Variants in NLRC4 observed in about 807,000 individuals in gnomAD.
The protein encoded by NLRC4 is NLR family CARD domain-containing protein 4.
Under a neutral mutation model 79.9 loss-of-function variants are expected in NLRC4, and 63 were observed. That is an observed-to-expected ratio of 0.79 (90% confidence interval 0.64 to 0.97). The LOEUF (loss-of-function observed/expected upper bound fraction) is 0.97. Ranked by LOEUF, NLRC4 falls within the 50% of genes least tolerant of loss-of-function variation. The probability of loss-of-function intolerance (pLI) is 0.00; values close to 1 mark genes in which losing one functional copy is unlikely to be tolerated. For synonymous variants in NLRC4, 461 were observed against 456.5 expected (o/e 1.01, Z -0.12); for missense variants, 1,074 against 1,215.2 (o/e 0.88, Z 1.73).
intron 2 of NLRC4, among the ~76,000 whole-genome samples, chr2:32,254,504 A>C (rs1273715904): frequency 1.3e-5 from 2 of 151,756 alleles, no homozygotes; most frequent in African/African-American, 2.4e-5. Context: ...CACCGTACCC[A>C]GGCACTGTAC....
chr2:32,258,302 G>A (rs1282469700), intron 1 of NLRC4, among the ~76,000 whole-genome samples: 1 of 152,156 alleles, frequency 6.6e-6, no homozygotes, highest in African/African-American at 2.4e-5. Flanking sequence ...TTCCGCCGAT[G>A]TGTTCCTCTC....
chr2:32,259,438 C>A (rs989549956), intron 1 of NLRC4, among the ~76,000 whole-genome samples: 9 of 151,676 alleles, frequency 5.9e-5, no homozygotes, highest in Non-Finnish European at 2.9e-5. Context: ...TGAACATTTT[C>A]AAACATAGAG....
intron 8 of NLRC4, among the ~76,000 whole-genome samples, chr2:32,227,909 C>T (rs1384317284): frequency 6.6e-6 from 1 of 152,040 alleles, no homozygotes; most frequent in East Asian, 1.9e-4. Context: ...ATTGGAATTC[C>T]AGGAAAAATC....
chr2:32,247,109 A>G (rs1333542002), intron 4 of NLRC4, among the ~76,000 whole-genome samples: 1 of 152,098 alleles, frequency 6.6e-6, no homozygotes, highest in Admixed American at 6.6e-5. Flanking sequence ...TATCTTCTAC[A>G]ATTTCCCAGA....
Position 32,224,585 on chromosome 2 carries a change from C to T in NLRC4, c.2963G>A (p.Ser988Asn), listed in dbSNP as rs1467856493. The change falls in exon 9 of 9, where the codon AGC (serine) becomes AAC (asparagine). Residue 988 changes from serine to asparagine, a missense_variant. Ser to Asn is a conservative substitution (Grantham distance 46). Transcript: ENST00000402280. The part of the protein sequence containing the change: ...LPDPALVRKL[S>N]QVLSKLTFLQ... ...AAAAGTTAACTTGGATAACACTTGG[C>T]TAAGTTTTCTGACTAATGCTGGATC... 1 of 1,613,696 alleles carries T rather than the reference C, an allele frequency of 6.2e-7. No homozygotes were observed. The highest frequency in any genetic ancestry group is 1.3e-5 in the African/African-American group (1 of 74,874).
At chr2:32,252,716 T>C in intron 2 of NLRC4, 37 bp from the exon 3 acceptor site, 2 of 1,584,402 alleles carry the variant, frequency 1.3e-6, no homozygotes, top group East Asian at 2.2e-5. Context: ...ATTTATTTAC[T>C]TATATAAAAT....
chr2:32,245,090 A>G (rs909727835), intron 4 of NLRC4, among the ~76,000 whole-genome samples: 1 of 152,042 alleles, frequency 6.6e-6, no homozygotes, highest in Non-Finnish European at 1.5e-5. Flanking sequence ...TGGGTGGATC[A>G]CTTGAGGTCT....
intron 4 of NLRC4, among the ~76,000 whole-genome samples, chr2:32,249,272 T>C (rs968512493): frequency 6.6e-6 from 1 of 152,178 alleles, no homozygotes; most frequent in Admixed American, 6.5e-5. Context: ...ATGCTAAATC[T>C]CCACCCCAAA....
At chr2:32,236,976 G>C (rs2148934478) in intron 6 of NLRC4, among the ~76,000 whole-genome samples, 1 of 152,214 alleles carries the variant, frequency 6.6e-6, no homozygotes. Flanking sequence ...CAGATATTCA[G>C]AACTTTTTTT....
At chr2:32,254,026 T>A (rs1024303040) in intron 2 of NLRC4, among the ~76,000 whole-genome samples, 2 of 151,044 alleles carry the variant, frequency 1.3e-5, no homozygotes, top group African/African-American at 4.9e-5. Context: ...CCTGGCCCTC[T>A]GGGAGTAAAG....
At chr2:32,256,705 T>C (rs1687214231) in intron 2 of NLRC4, 70 bp downstream of exon 2, 1 of 742,390 alleles carries the variant, frequency 1.3e-6, no homozygotes, top group Non-Finnish European at 2.5e-6. Flanking sequence ...GAACTGATTT[T>C]CCATTTAAAA....
chr2:32,241,534 G>A (rs1048206020), intron 4 of NLRC4, among the ~76,000 whole-genome samples: 7 of 151,562 alleles, frequency 4.6e-5, no homozygotes, highest in Non-Finnish European at 1.0e-4. Context: ...CTGCCACCAC[G>A]CCCGGCTAAT....
In NLRC4 at chr2:32,236,599, A is replaced by G. The variant is rs113389273; in HGVS notation, c.2522-260T>C. On this transcript the variant is annotated intron_variant, in intron 6 of 8. Transcript: ENST00000402280. ...TTCCAGGTCACGTAGAACCTAAAGCAGCATGGGATGTAGTTGTTATGTCAT... is the reference window on the plus strand; with the variant it reads ...TTCCAGGTCACGTAGAACCTAAAGCGGCATGGGATGTAGTTGTTATGTCAT... 5.3e-5 allele frequency among the ~76,000 whole-genome samples: 8 copies of G among 152,350 alleles called. No individual in the cohort carries two copies. The East Asian group carries it at 1.2e-3, about 22-fold the overall frequency.
chr2:32,242,357 G>A (rs1686825434), intron 4 of NLRC4, among the ~76,000 whole-genome samples: 1 of 152,058 alleles, frequency 6.6e-6, no homozygotes, highest in Admixed American at 6.6e-5. Flanking sequence ...GATATTAAAA[G>A]GACAATTAGA....
At chr2:32,252,346 C>G (rs532676032) in intron 3 of NLRC4, 73 bp downstream of exon 3, 1 of 1,102,020 alleles carries the variant, frequency 9.1e-7, no homozygotes, top group African/African-American at 1.5e-5. Context: ...AGAGGCTCTG[C>G]CATGGGGAAG....
chr2:32,227,220 C>G (rs1396385474), intron 8 of NLRC4, among the ~76,000 whole-genome samples: 1 of 151,538 alleles, frequency 6.6e-6, no homozygotes, highest in African/African-American at 2.4e-5. Context: ...CAGAGGAAAA[C>G]CACCCCACCT....
At chr2:32,256,917 C>G in intron 1 of NLRC4, 24 bp from the exon 2 acceptor site, 1 of 619,688 alleles carries the variant, frequency 1.6e-6, no homozygotes. Context: ...AAAACAGAAC[C>G]AGAGACTATC....
At chr2:32,241,669 C>T (rs544413324) in intron 4 of NLRC4, among the ~76,000 whole-genome samples, 6 of 151,934 alleles carry the variant, frequency 3.9e-5, no homozygotes, top group Admixed American at 1.3e-4. Flanking sequence ...TGAGCCACTG[C>T]GCCTGGCCGA....
Position 32,238,242 on chromosome 2 carries a change from A to G in NLRC4, c.2411T>C (p.Ile804Thr), listed in dbSNP as rs570155916. ...GACTATGTAATCCATTCCCTCTCCAATGTCAGACAAGTGGGTCAAATGAAA... is the reference window on the plus strand; with the variant it reads ...GACTATGTAATCCATTCCCTCTCCAGTGTCAGACAAGTGGGTCAAATGAAA... ...CLFHLTHLSD[I>T]GEGMDYIVKS... The change falls in exon 6 of 9, where the codon ATT becomes ACT. Residue 804 changes from isoleucine (I) to threonine (T), a missense_variant. Physicochemically the swap from Ile to Thr is moderately conservative, Grantham distance 89 (BLOSUM62 -1). Coordinates refer to ENST00000402280, the MANE Select transcript of NLRC4 (RefSeq NM_001199138.2). The G allele has an allele frequency of 1.9e-6, 3 of 1,613,050 alleles. No individual in the cohort carries two copies. The highest frequency in any genetic ancestry group is 2.7e-5 in the African/African-American group (2 of 75,002).
Sources: gnomAD v4.1 joint callset for allele counts (sites outside exome capture counted in the v4.1 genomes callset) on GRCh38, gnomAD v4.1.1 for gene constraint, MANE v1.5 for transcripts, NCBI Gene and HGNC (gene_info 2026-07-23, HGNC 2026-07-21) for gene names.